Variants in LHFPL3 observed in about 807,000 individuals in gnomAD.
The protein encoded by LHFPL3 is LHFPL tetraspan subfamily member 3, also known as LHFPL tetraspan subfamily member 3 protein.
In LHFPL3, 5 loss-of-function variants were observed where a neutral mutation model predicts 19.3. That is an observed-to-expected ratio of 0.26 (90% CI 0.14 to 0.54). LHFPL3 has a LOEUF of 0.54. Among genes scored for constraint, LHFPL3 ranks in the 20% least tolerant of loss-of-function variants. The probability of loss-of-function intolerance (pLI) is 0.94; values close to 1 mark genes in which losing one functional copy is unlikely to be tolerated. For synonymous variants in LHFPL3, 133 were observed against 126.2 expected (o/e 1.05, Z -0.36); for missense variants, 249 against 307.4 (o/e 0.81, Z 1.42).
At chr7:104,886,611 C>T (rs1341192162) in intron 2 of LHFPL3, among the ~76,000 whole-genome samples, 1 of 152,158 alleles carries the variant, frequency 6.6e-6, no homozygotes, top group East Asian at 1.9e-4. Flanking sequence ...GTGATCTGCC[C>T]ACCTTGGCCT....
intron 2 of LHFPL3, among the ~76,000 whole-genome samples, chr7:104,897,502 T>G (rs1446961756): frequency 6.6e-6 from 1 of 152,214 alleles, no homozygotes; most frequent in Admixed American, 6.5e-5. Context: ...TCCTGAACTC[T>G]CTGCCTGCTA....
chr7:104,590,093 T>A (rs1324121645), intron 1 of LHFPL3, among the ~76,000 whole-genome samples: 5 of 152,194 alleles, frequency 3.3e-5, no homozygotes, highest in Admixed American at 1.3e-4. Flanking sequence ...TTTGAAGGGT[T>A]TTTTGTGTCT....
intron 1 of LHFPL3, among the ~76,000 whole-genome samples, chr7:104,602,114 G>A (rs1234044446): frequency 3.1e-5 from 4 of 128,076 alleles, no homozygotes; most frequent in Non-Finnish European, 6.2e-5. Context: ...TCCACCTCCT[G>A]GATTCAAGCA....
At chr7:104,844,476 C>T (rs1316638186) in intron 2 of LHFPL3, among the ~76,000 whole-genome samples, 1 of 152,218 alleles carries the variant, frequency 6.6e-6, no homozygotes, top group East Asian at 1.9e-4. Flanking sequence ...ATGATGTCCT[C>T]AAAGAATTTT....
At chr7:104,849,924 T>C (rs1449267193) in intron 2 of LHFPL3, among the ~76,000 whole-genome samples, 2 of 152,244 alleles carry the variant, frequency 1.3e-5, no homozygotes, top group Non-Finnish European at 2.9e-5. Flanking sequence ...TTAGATGTTA[T>C]GGCTGGCTTT....
At chr7:104,350,274 T>C (rs1399761540) in intron 1 of LHFPL3, among the ~76,000 whole-genome samples, 1 of 152,200 alleles carries the variant, frequency 6.6e-6, no homozygotes, top group Non-Finnish European at 1.5e-5. Context: ...GTTGCTACTG[T>C]ATTGGGAGTG....
At chr7:104,459,179 C>G (rs1438144310) in intron 1 of LHFPL3, among the ~76,000 whole-genome samples, 5 of 152,220 alleles carry the variant, frequency 3.3e-5, no homozygotes, top group Admixed American at 1.3e-4. Context: ...CTTCTACCAC[C>G]TGTGTAACCA....
At chr7:104,744,244 A>G (rs1243477821) in intron 2 of LHFPL3, 1 of 152,192 alleles carries the variant, frequency 6.6e-6, no homozygotes, top group Non-Finnish European at 1.5e-5. Flanking sequence ...TTATTAATCA[A>G]CAGTTTAATG....
chr7:104,535,242 G>T (rs1794370875), intron 1 of LHFPL3, among the ~76,000 whole-genome samples: 1 of 152,186 alleles, frequency 6.6e-6, no homozygotes, highest in African/African-American at 2.4e-5. Flanking sequence ...CTCTGGAAAA[G>T]GATTGCTCAC....
intron 1 of LHFPL3, among the ~76,000 whole-genome samples, chr7:104,596,311 A>T (rs1790856512): frequency 6.6e-6 from 1 of 152,260 alleles, no homozygotes; most frequent in Non-Finnish European, 1.5e-5. Flanking sequence ...CTCCAAGTTG[A>T]GTCCAAGACC....
intron 1 of LHFPL3, among the ~76,000 whole-genome samples, chr7:104,564,528 C>A (rs898717509): frequency 6.6e-6 from 1 of 152,148 alleles, no homozygotes; most frequent in Non-Finnish European, 1.5e-5. Context: ...CATCTAGATA[C>A]CTCATATAAT....
At chr7:104,818,048 C>A (rs1790599269) in intron 2 of LHFPL3, among the ~76,000 whole-genome samples, 1 of 152,102 alleles carries the variant, frequency 6.6e-6, no homozygotes, top group Non-Finnish European at 1.5e-5. Flanking sequence ...TTCCGTCACA[C>A]AAAGGGCTCT....
intron 2 of LHFPL3, among the ~76,000 whole-genome samples, chr7:104,741,261 A>G (rs1584508302): frequency 6.6e-6 from 1 of 152,166 alleles, no homozygotes; most frequent in Admixed American, 6.5e-5. Context: ...GTCACAGCTA[A>G]GATTTATCAT....
chr7:104,560,861 C>T (rs1789980225), intron 1 of LHFPL3, among the ~76,000 whole-genome samples: 3 of 150,252 alleles, frequency 2.0e-5, no homozygotes, highest in East Asian at 3.9e-4. Context: ...GAATGCGTCC[C>T]AGAGATTCTG....
At chr7:104,667,865 C>T (rs1409301609) in intron 1 of LHFPL3, 5 of 1,611,960 alleles carry the variant, frequency 3.1e-6, no homozygotes, top group Non-Finnish European at 4.2e-6. Flanking sequence ...AACCAGTCAG[C>T]TGGGCTGATG....
In LHFPL3 at chr7:104,655,493, T is replaced by C. The variant is rs552422824; in HGVS notation, c.446-81182T>C. On this transcript the variant is annotated intron_variant, in intron 1 of 2. Transcript: ENST00000424859. ...GGAGTAACAGTCCTTGAGTGCAGAA[T>C]TGAGGATTGCTAAAGGGCCACAGAC... Among the ~76,000 whole-genome samples, 225 of 152,336 alleles carry C rather than the reference T, an allele frequency of 1.5e-3. 1 individual carries two copies. Among genetic ancestry groups the C allele is most frequent in the Non-Finnish European group, 2.4e-3 (165 of 68,038 alleles).
intron 1 of LHFPL3, among the ~76,000 whole-genome samples, chr7:104,480,407 G>A (rs1362165217): frequency 6.6e-6 from 1 of 152,094 alleles, no homozygotes; most frequent in Non-Finnish European, 1.5e-5. Flanking sequence ...GTAGCTGGTT[G>A]CACACCGGCA....
In LHFPL3 at chr7:104,906,243, A is replaced by G. The variant is rs1372288453; in HGVS notation, c.*28A>G. The G allele has an allele frequency of 1.2e-6, 2 of 1,601,170 alleles. No individual in the cohort carries two copies. Among genetic ancestry groups the G allele is most frequent in the African/African-American group, 1.3e-5 (1 of 74,728 alleles). ...ACAAAACAAATCGAATAACAGCTAA[A>G]CAAATCGAATAACAGCTAAACGAAT... On this transcript the variant is annotated 3_prime_UTR_variant, in exon 3 of 3. Transcript: ENST00000424859.
intron 1 of LHFPL3, among the ~76,000 whole-genome samples, chr7:104,394,037 ACT>A (rs1791132932): frequency 6.6e-6 from 1 of 152,264 alleles, no homozygotes; most frequent in East Asian, 1.9e-4. Context: ...TGGCTATACA[ACT>A]CTCTGAATAT....
Sources: gnomAD v4.1 joint callset for allele counts (sites outside exome capture counted in the v4.1 genomes callset) on GRCh38, gnomAD v4.1.1 for gene constraint, MANE v1.5 for transcripts, NCBI Gene and HGNC (gene_info 2026-07-23, HGNC 2026-07-21) for gene names.